CBFA2T2: variants seen among roughly 807,000 people sequenced by gnomAD.
CBFA2T2 encodes the protein protein CBFA2T2.
Under a neutral mutation model 62.2 loss-of-function variants are expected in CBFA2T2, and 11 were observed. The ratio of observed to expected loss-of-function variants is 0.18; its 90% CI spans 0.11 to 0.29. The LOEUF (loss-of-function observed/expected upper bound fraction) is 0.29. Ranked by LOEUF, CBFA2T2 falls within the 10% of genes least tolerant of loss-of-function variation. The pLI is 1.00. For synonymous variants in CBFA2T2, 295 were observed against 287.5 expected (o/e 1.03, Z -0.27); for missense variants, 592 against 774.1 (o/e 0.76, Z 2.79).
At chr20:33,508,180 C>T (rs958696434) in intron 1 of CBFA2T2, among the ~76,000 whole-genome samples, 3 of 152,054 alleles carry the variant, frequency 2.0e-5, no homozygotes, top group Admixed American at 1.3e-4. Flanking sequence ...CTGCAACCTC[C>T]GCCTCCCGGG....
chr20:33,557,425 AG>A (rs1002137960), intron 1 of CBFA2T2, among the ~76,000 whole-genome samples: 5 of 152,198 alleles, frequency 3.3e-5, no homozygotes, highest in African/African-American at 1.2e-4. Context: ...GTTCATTTAT[AG>A]AAGGGGTCAT....
intron 1 of CBFA2T2, among the ~76,000 whole-genome samples, chr20:33,579,163 G>T (rs2013990098): frequency 6.7e-6 from 1 of 149,254 alleles, no homozygotes; most frequent in African/African-American, 2.5e-5. Context: ...GCCCAGGCTG[G>T]AGTGCTGTGA....
chr20:33,600,582 C>A, intron 1 of CBFA2T2: 1 of 287,850 alleles, frequency 3.5e-6, no homozygotes. Context: ...AATCTTTTCC[C>A]TGATTTTTCC....
rs2016390218 is a variant in CBFA2T2 at position 33,629,950 on chromosome 20, G to A, written c.1228+36G>A. The A allele has an allele frequency of 3.2e-6, 5 of 1,554,672 alleles. No individual in the cohort carries two copies. In the East Asian group the frequency reaches 9.1e-5, roughly 28 times the overall value. The stretch of plus-strand genomic sequence containing the variant: ...AGTCTACGGGAAACCCAAAATAAAT[G>A]TCAGCCTTTAGAGCCCACCAATCTG... On this transcript the variant is annotated intron_variant, in intron 8 of 10. Transcript: ENST00000342704.
intron 2 of CBFA2T2, among the ~76,000 whole-genome samples, chr20:33,607,657 C>T (rs2015387196): frequency 6.6e-6 from 1 of 152,172 alleles, no homozygotes; most frequent in Non-Finnish European, 1.5e-5. Context: ...TTGCCATATC[C>T]TCACATGGTC....
At chr20:33,543,181 C>T (rs2012452186) in intron 1 of CBFA2T2, among the ~76,000 whole-genome samples, 1 of 151,674 alleles carries the variant, frequency 6.6e-6, no homozygotes, top group Non-Finnish European at 1.5e-5. Flanking sequence ...GCCCGGCTAA[C>T]TTTTGTGTTT....
rs1226857676 is a variant in CBFA2T2 at position 33,490,294 on chromosome 20, C to G, written c.27C>G (p.Ala9=). MVGVPGAA[A]FQLGPEKRVP... ...TGGTAGGCGTCCCTGGAGCGGCCGC[C>G]TTCCAGCGTAAGTGGGGCGTGAATG... Residue 9 remains alanine (A), a synonymous_variant, in exon 1 of 11, where the codon GCC becomes GCG. Coordinates refer to ENST00000342704, the MANE Select transcript of CBFA2T2 (RefSeq NM_001032999.3). 3 of 1,275,406 alleles carry G rather than the reference C, an allele frequency of 2.4e-6. No individual in the cohort carries two copies. Among genetic ancestry groups the G allele is most frequent in the Non-Finnish European group, 3.0e-6 (3 of 1,012,282 alleles). The allele number at this position is 1,275,406 out of a possible 1,614,324, so 79.0% of individuals were successfully genotyped here. A position where few individuals can be genotyped will look rare whatever the true frequency, so the allele number is the denominator to read the frequency against.
chr20:33,626,670 T>A (rs925645620), intron 6 of CBFA2T2, among the ~76,000 whole-genome samples: 1 of 152,182 alleles, frequency 6.6e-6, no homozygotes, highest in Non-Finnish European at 1.5e-5. Context: ...TAAATTTCCA[T>A]GTATACCTTG....
intron 1 of CBFA2T2, among the ~76,000 whole-genome samples, chr20:33,500,699 ACT>A (rs1307312744): frequency 1.3e-5 from 2 of 152,070 alleles, no homozygotes; most frequent in Non-Finnish European, 2.9e-5. Context: ...ACAGAGCAAG[ACT>A]CTGTCTCAAA....
chr20:33,587,357 C>T (rs1341227272), intron 1 of CBFA2T2, among the ~76,000 whole-genome samples: 1 of 152,150 alleles, frequency 6.6e-6, no homozygotes, highest in Non-Finnish European at 1.5e-5. Flanking sequence ...ACCTGTGCCT[C>T]CTGGGTTCAA....
chr20:33,635,969 T>C (rs2016616277), intron 8 of CBFA2T2, among the ~76,000 whole-genome samples: 1 of 152,186 alleles, frequency 6.6e-6, no homozygotes, highest in South Asian at 2.1e-4. Context: ...TGTATTCTTG[T>C]AGAATTTTCT....
chr20:33,551,076 A>T (rs2012728618), intron 1 of CBFA2T2, among the ~76,000 whole-genome samples: 1 of 152,154 alleles, frequency 6.6e-6, no homozygotes, highest in Admixed American at 6.5e-5. Context: ...AGCTCATTCG[A>T]CGGAAGTGTT....
chr20:33,611,586 G>A (rs2015531085), intron 3 of CBFA2T2, among the ~76,000 whole-genome samples: 2 of 152,008 alleles, frequency 1.3e-5, no homozygotes, highest in South Asian at 2.1e-4. Flanking sequence ...TGCGAACACA[G>A]CTCACTTCAG....
chr20:33,494,279 T>A (rs1187691077), intron 1 of CBFA2T2, among the ~76,000 whole-genome samples: 8 of 55,762 alleles, frequency 1.4e-4, no homozygotes, highest in Admixed American at 7.2e-4. Context: ...ATATATTTTT[T>A]TTTTTTTTTT....
intron 6 of CBFA2T2, among the ~76,000 whole-genome samples, chr20:33,625,493 T>G (rs1384859917): frequency 6.6e-6 from 1 of 152,074 alleles, no homozygotes; most frequent in Admixed American, 6.6e-5. Flanking sequence ...TAAAAAAGAA[T>G]AAAGGGGTAT....
rs548344389 is a variant in CBFA2T2, at chr20:33,572,081, C to T, written c.35-34875C>T. ...CTAATTTTTGCATTGTTACTAGAGA[C>T]GGGGTTTTGCCATGTTGGCCAGGCT... On this transcript the variant is annotated intron_variant, in intron 1 of 10. Transcript: ENST00000342704. 1.2e-4 allele frequency among the ~76,000 whole-genome samples: 18 copies of T among 152,264 alleles called. No individual in the cohort carries two copies. The East Asian group carries it at 1.9e-3, about 16-fold the overall frequency.
intron 1 of CBFA2T2, chr20:33,600,510 A>G (rs936842328): frequency 1.7e-5 from 7 of 410,156 alleles, no homozygotes; most frequent in Admixed American, 1.1e-4. Context: ...CCATATGACA[A>G]TTACACATTC....
At chr20:33,618,305 GA>G (rs1481255022) in intron 3 of CBFA2T2, 1 of 152,040 alleles carries the variant, frequency 6.6e-6, no homozygotes. Flanking sequence ...TCTTTCTGGG[GA>G]GCAAGCAGGG....
chr20:33,574,279 A>G, intron 1 of CBFA2T2: 1 of 1,607,476 alleles, frequency 6.2e-7, no homozygotes, highest in Non-Finnish European at 8.5e-7. Context: ...TGAAACATTC[A>G]TTTCTAATAG....
Sources: gnomAD v4.1 joint callset for allele counts (sites outside exome capture counted in the v4.1 genomes callset) on GRCh38, gnomAD v4.1.1 for gene constraint, MANE v1.5 for transcripts, NCBI Gene and HGNC (gene_info 2026-07-23, HGNC 2026-07-21) for gene names.